PTPRK: variants seen among roughly 807,000 people sequenced by gnomAD.
The protein encoded by PTPRK is protein tyrosine phosphatase receptor type K.
PTPRK carries 75 observed loss-of-function variants against 178.0 expected under a neutral mutation model. That is an observed-to-expected ratio of 0.42 (90% confidence interval 0.35 to 0.51). The LOEUF is 0.51. PTPRK is among the 20% of genes least tolerant of loss of function. The pLI is 0.02. For missense variants in PTPRK, 1,441 were observed against 1,797.8 expected, an observed-to-expected ratio of 0.80 and a Z score of 3.59; for synonymous variants, 637 against 620.6, an observed-to-expected ratio of 1.03 and a Z score of -0.39.
intron 1 of PTPRK, among the ~76,000 whole-genome samples, chr6:128,468,114 G>C (rs554742869): frequency 1.3e-3 from 197 of 152,256 alleles, no homozygotes; most frequent in African/African-American, 4.4e-3. Context: ...CGCACAACGC[G>C]TGGCAATTAG....
chr6:128,397,808 G>T, intron 1 of PTPRK, 120 bp from the exon 2 acceptor site: 2 of 915,590 alleles, frequency 2.2e-6, no homozygotes, highest in Non-Finnish European at 3.2e-6. Context: ...AATAATAAAT[G>T]GTACTCCTGT....
intron 2 of PTPRK, among the ~76,000 whole-genome samples, chr6:128,367,781 A>T (rs896013559): frequency 6.6e-6 from 1 of 152,190 alleles, no homozygotes; most frequent in Non-Finnish European, 1.5e-5. Context: ...AGGTCCCTAC[A>T]TCAAACACAG....
intron 1 of PTPRK, among the ~76,000 whole-genome samples, chr6:128,458,131 T>C (rs1323836928): frequency 6.6e-6 from 1 of 152,084 alleles, no homozygotes; most frequent in Non-Finnish European, 1.5e-5. Context: ...TCAGAAAATT[T>C]CTCTCCATCT....
intron 1 of PTPRK, among the ~76,000 whole-genome samples, chr6:128,415,025 T>G (rs916286730): frequency 6.6e-6 from 1 of 152,204 alleles, no homozygotes; most frequent in Non-Finnish European, 1.5e-5. Context: ...TGAAACATGT[T>G]ATCCGATTCC....
chr6:128,355,765 G>A (rs200286193), intron 2 of PTPRK, among the ~76,000 whole-genome samples: 18 of 152,052 alleles, frequency 1.2e-4, no homozygotes, highest in Non-Finnish European at 2.6e-4. Context: ...CCTGCACGTT[G>A]TGCACATGTA....
chr6:128,321,372 T>C (rs1029710270), intron 3 of PTPRK: 1 of 174,096 alleles, frequency 5.7e-6, no homozygotes, highest in Admixed American at 6.4e-5. Flanking sequence ...GTTAAGAGCA[T>C]ATAAACTCAG....
chr6:128,122,600 G>T (rs1034120722), intron 7 of PTPRK, among the ~76,000 whole-genome samples: 1 of 152,108 alleles, frequency 6.6e-6, no homozygotes, highest in Non-Finnish European at 1.5e-5. Flanking sequence ...CATTTTATTA[G>T]CAGTTTTAAT....
chr6:128,054,071 G>A (rs1310625795), intron 13 of PTPRK, among the ~76,000 whole-genome samples: 1 of 152,146 alleles, frequency 6.6e-6, no homozygotes, highest in Non-Finnish European at 1.5e-5. Context: ...ATTTGCTGTT[G>A]CCTTTACAAT....
Position 128,102,916 on chromosome 6 carries a change from TG to T in PTPRK, c.1163-12925del, listed in dbSNP as rs1789030716. ...ATATAGACAAGAGGCAGGGAAATGCTGGGTAGAAGAGGGCAGTTCCCCAGCA... is the reference window on the plus strand; with the variant it reads ...ATATAGACAAGAGGCAGGGAAATGCTGGTAGAAGAGGGCAGTTCCCCAGCA... On this transcript the variant is annotated intron_variant, in intron 7 of 29. Transcript: ENST00000368226. Among the ~76,000 whole-genome samples, 6 of 152,256 alleles carry T rather than the reference TG, an allele frequency of 3.9e-5. No homozygotes were observed. The South Asian group carries it at 1.2e-3, about 32-fold the overall frequency.
At chr6:128,407,237 T>C (rs942821441) in intron 1 of PTPRK, among the ~76,000 whole-genome samples, 3 of 152,154 alleles carry the variant, frequency 2.0e-5, no homozygotes, top group African/African-American at 7.2e-5. Flanking sequence ...AGATAAGAAG[T>C]GAACCTTCTT....
chr6:128,112,114 G>A (rs1029095003), intron 7 of PTPRK, among the ~76,000 whole-genome samples: 3 of 152,058 alleles, frequency 2.0e-5, no homozygotes, highest in Non-Finnish European at 4.4e-5. Flanking sequence ...CTGGTTGTGA[G>A]GGCTAGTTAC....
chr6:128,479,017 T>C (rs1186359306), intron 1 of PTPRK, among the ~76,000 whole-genome samples: 1 of 151,964 alleles, frequency 6.6e-6, no homozygotes, highest in Non-Finnish European at 1.5e-5. Context: ...AGCCAAATGT[T>C]CTCAGTGGGC....
At chr6:128,352,266 A>AAG (rs1246821543) in intron 2 of PTPRK, among the ~76,000 whole-genome samples, 11 of 151,304 alleles carry the variant, frequency 7.3e-5, no homozygotes, top group Middle Eastern at 3.2e-3. Context: ...AAAAAAAAAA[A>AAG]AAAAAGAAAT....
chr6:128,302,391 C>CAA (rs534525238), intron 3 of PTPRK, among the ~76,000 whole-genome samples: 1,170 of 30,770 alleles, frequency 0.038, 126 homozygotes, highest in Non-Finnish European at 0.054. Flanking sequence ...GACTCAATTC[C>CAA]AAAAAAAAAA....
At chr6:128,337,006 C>T (rs965427696) in intron 2 of PTPRK, among the ~76,000 whole-genome samples, 1 of 152,142 alleles carries the variant, frequency 6.6e-6, no homozygotes, top group Admixed American at 6.5e-5. Context: ...AGCATGAATT[C>T]ATAGCTCATT....
At chr6:128,137,052 T>C (rs905675708) in intron 7 of PTPRK, among the ~76,000 whole-genome samples, 10 of 152,120 alleles carry the variant, frequency 6.6e-5, no homozygotes, top group African/African-American at 2.4e-4. Flanking sequence ...GCTTGTAGGG[T>C]TCCACTTGTG....
intron 17 of PTPRK, among the ~76,000 whole-genome samples, 178 bp downstream of exon 17, chr6:127,996,723 G>T (rs1303074157): frequency 6.6e-6 from 1 of 152,046 alleles, no homozygotes; most frequent in Non-Finnish European, 1.5e-5. Flanking sequence ...CACCTGCCTT[G>T]GCCTCCCAAA....
At chr6:128,420,205 T>C (rs567854931) in intron 1 of PTPRK, among the ~76,000 whole-genome samples, 123 of 152,186 alleles carry the variant, frequency 8.1e-4, no homozygotes, top group African/African-American at 2.7e-3. Flanking sequence ...TCGAGAAAAA[T>C]AGTCATCCCA....
chr6:128,350,613 T>C (rs1832991593), intron 2 of PTPRK, among the ~76,000 whole-genome samples: 1 of 152,206 alleles, frequency 6.6e-6, no homozygotes, highest in Non-Finnish European at 1.5e-5. Flanking sequence ...TTTGTAAATA[T>C]TTAAGCCAAT....
Sources: allele counts gnomAD v4.1 joint callset (sites outside exome capture counted in the v4.1 genomes callset), GRCh38; gene constraint gnomAD v4.1.1; transcripts MANE v1.5; gene names NCBI Gene and HGNC (gene_info 2026-07-23, HGNC 2026-07-21).